Variants in CAV1 observed in about 807,000 individuals in gnomAD.
CAV1 encodes caveolin 1.
CAV1 carries 10 observed loss-of-function variants against 16.5 expected under a neutral mutation model. That is an observed-to-expected ratio of 0.61 (90% confidence interval 0.37 to 1.03). The LOEUF is 1.03. Ranked by LOEUF, CAV1 falls within the 50% of genes least tolerant of loss-of-function variation. The probability of loss-of-function intolerance (pLI) is 0.01; values close to 1 mark genes in which losing one functional copy is unlikely to be tolerated. For synonymous variants in CAV1, 76 were observed against 85.1 expected (o/e 0.89, Z 0.59); for missense variants, 212 against 232.8 (o/e 0.91, Z 0.58).
chr7:116,537,476 A>T (rs1175276241), intron 2 of CAV1, among the ~76,000 whole-genome samples: 1 of 152,170 alleles, frequency 6.6e-6, no homozygotes, highest in Non-Finnish European at 1.5e-5. Flanking sequence ...TCACCATCAT[A>T]TTCCTTTTGC....
At chr7:116,533,736 T>C (rs1029503855) in intron 2 of CAV1, among the ~76,000 whole-genome samples, 2 of 152,242 alleles carry the variant, frequency 1.3e-5, no homozygotes, top group African/African-American at 4.8e-5. Flanking sequence ...TTCTACTGTC[T>C]GTTAAAATCT....
intron 2 of CAV1, among the ~76,000 whole-genome samples, chr7:116,533,336 C>CA (rs1471586638): frequency 6.1e-5 from 3 of 49,232 alleles, no homozygotes; most frequent in African/African-American, 1.4e-4. Flanking sequence ...GACTCCGTCT[C>CA]AAAAAATAAA....
At chr7:116,525,494 C>T (rs1793538238) in intron 1 of CAV1, 2 of 1,274,380 alleles carry the variant, frequency 1.6e-6, no homozygotes, top group Non-Finnish European at 1.0e-6. Context: ...TTACCCGAGT[C>T]CTGGGGACAG....
At chr7:116,550,048 A>G (rs1340290715) in intron 2 of CAV1, among the ~76,000 whole-genome samples, 1 of 152,154 alleles carries the variant, frequency 6.6e-6, no homozygotes, top group African/African-American at 2.4e-5. Context: ...GTGAAATAGA[A>G]CACTATCAAT....
intron 1 of CAV1, 52 bp downstream of exon 1, chr7:116,525,144 C>A: frequency 6.2e-7 from 1 of 1,614,162 alleles, no homozygotes. Flanking sequence ...GTGTCCGCTT[C>A]TGCTATCTGC....
chr7:116,533,015 G>A, intron 2 of CAV1, among the ~76,000 whole-genome samples: 1 of 152,206 alleles, frequency 6.6e-6, no homozygotes, highest in Non-Finnish European at 1.5e-5. Flanking sequence ...TATATGTAGG[G>A]AGCAAAATTG....
At chr7:116,557,552 T>C (rs1794315057) in intron 2 of CAV1, among the ~76,000 whole-genome samples, 1 of 152,156 alleles carries the variant, frequency 6.6e-6, no homozygotes, top group African/African-American at 2.4e-5. Flanking sequence ...ATATAAATCT[T>C]TACAGAGGGA....
At chr7:116,555,534 G>A (rs6961879) in intron 2 of CAV1, among the ~76,000 whole-genome samples, 68 of 6,334 alleles carry the variant, frequency 0.011, 1 homozygote, top group Admixed American at 0.015. Context: ...GAGAGAGAGA[G>A]AGAGAGAGAG....
intron 2 of CAV1, among the ~76,000 whole-genome samples, chr7:116,531,674 G>T (rs1322212704): frequency 6.6e-6 from 1 of 152,170 alleles, no homozygotes; most frequent in East Asian, 1.9e-4. Context: ...TGCCATGCTG[G>T]TGCGCTGCAC....
chr7:116,536,981 G>A (rs1207513590), intron 2 of CAV1, among the ~76,000 whole-genome samples: 1 of 129,140 alleles, frequency 7.7e-6, no homozygotes, highest in East Asian at 2.6e-4. Context: ...CCGCAGTCCG[G>A]CCTGGGCAAC....
Position 116,559,890 on chromosome 7 carries a change from C to T in CAV1, c.*603C>T, listed in dbSNP as rs1192098115. 5.0e-6 allele frequency: 2 copies of T among 399,316 alleles called. No individual in the cohort carries two copies. Among genetic ancestry groups the T allele is most frequent in the African/African-American group, 4.1e-5 (2 of 48,580 alleles). 24.7% of individuals were successfully genotyped at this position (399,316 alleles called of 1,614,324 possible). ...TGCCTTACTCTTCTTGAAATTTTAACCTATGATATTTTCTGTGCCTGAATA... is the reference window on the plus strand; with the variant it reads ...TGCCTTACTCTTCTTGAAATTTTAATCTATGATATTTTCTGTGCCTGAATA... On this transcript the variant is annotated 3_prime_UTR_variant, in exon 3 of 3. Transcript: ENST00000341049.
chr7:116,543,130 G>A (rs1793973510), intron 2 of CAV1, among the ~76,000 whole-genome samples: 1 of 152,140 alleles, frequency 6.6e-6, no homozygotes, highest in Non-Finnish European at 1.5e-5. Flanking sequence ...TTACACTCTG[G>A]ACTGTAGTTT....
chr7:116,537,326 A>T (rs923332460), intron 2 of CAV1, among the ~76,000 whole-genome samples: 2 of 152,068 alleles, frequency 1.3e-5, no homozygotes, highest in Admixed American at 1.3e-4. Context: ...GCAATGGGGC[A>T]AATCAAGGGG....
intron 2 of CAV1, 84 bp from the exon 3 acceptor site, chr7:116,558,862 T>A: frequency 1.0e-6 from 1 of 999,360 alleles, no homozygotes; most frequent in Non-Finnish European, 1.5e-6. Context: ...GCTAATACAG[T>A]ATATGTCTAT....
chr7:116,559,892 T>C lies in CAV1; in HGVS notation c.*605T>C. 1 of 399,522 alleles carries C rather than the reference T, an allele frequency of 2.5e-6. No homozygotes were observed. The highest frequency in any genetic ancestry group is 4.4e-6 in the Non-Finnish European group (1 of 226,524). The allele number at this position is 399,522 out of a possible 1,614,324, so 24.7% of individuals were successfully genotyped here. Reference sequence around the variant, plus strand: ...CCTTACTCTTCTTGAAATTTTAACCTATGATATTTTCTGTGCCTGAATATT... The same window carrying C: ...CCTTACTCTTCTTGAAATTTTAACCCATGATATTTTCTGTGCCTGAATATT... On this transcript the variant is annotated 3_prime_UTR_variant, in exon 3 of 3. Transcript: ENST00000341049.
Position 116,526,806 on chromosome 7 carries a change from A to G in CAV1, c.195+117A>G, listed in dbSNP as rs941907724. On this transcript the variant is annotated intron_variant, in intron 2 of 2. Coordinates refer to ENST00000341049, the MANE Select transcript of CAV1 (RefSeq NM_001753.5). Reference sequence around the variant, plus strand: ...ACCCCACCCCGCCCCCTACACGCGCACACACACACACACACAGAGTTTTGT... The same window carrying G: ...ACCCCACCCCGCCCCCTACACGCGCGCACACACACACACACAGAGTTTTGT... 3.9e-4 allele frequency: 274 copies of G among 698,606 alleles called. 1 individual carries two copies. Among genetic ancestry groups the G allele is most frequent in the Middle Eastern group, 1.6e-3 (5 of 3,180 alleles). 43.3% of individuals were successfully genotyped at this position (698,606 alleles called of 1,614,324 possible).
chr7:116,526,690 G>T lies in CAV1; in HGVS notation c.195+1G>T. The T allele has an allele frequency of 6.2e-7, 1 of 1,614,066 alleles. No individual in the cohort carries two copies. The highest frequency in any genetic ancestry group is 8.5e-7 in the Non-Finnish European group (1 of 1,180,024). The stretch of plus-strand genomic sequence containing the variant: ...ACACCTCAACGATGACGTGGTCAAG[G>T]TAAGCCAAGGCGACCAACAGGGAAG... On this transcript the variant is annotated splice_donor_variant, in intron 2 of 2. Transcript: ENST00000341049. LOFTEE classifies it high-confidence loss of function.
intron 2 of CAV1, among the ~76,000 whole-genome samples, chr7:116,534,856 A>G (rs1030963955): frequency 6.6e-6 from 1 of 152,190 alleles, no homozygotes; most frequent in Admixed American, 6.5e-5. Context: ...GGTTGATTCT[A>G]CCTGAAGAGA....
Position 116,525,088 on chromosome 7 carries a change from C to T in CAV1, c.26C>T (p.Ser9Leu). The change falls in exon 1 of 3, where the codon TCG (serine) becomes TTG (leucine). Residue 9 changes from serine (S) to leucine (L), a missense_variant. Transcript: ENST00000341049. Reference sequence around the variant, plus strand: ...ATGTCTGGGGGCAAATACGTAGACTCGGAGGTAGGCATCCGTGGGGGGGCG... The same window carrying T: ...ATGTCTGGGGGCAAATACGTAGACTTGGAGGTAGGCATCCGTGGGGGGGCG... The part of the protein sequence containing the change: MSGGKYVD[S>L]EGHLYTVPIR... The T allele has an allele frequency of 6.2e-7, 1 of 1,614,100 alleles. No homozygotes were observed. The highest frequency in any genetic ancestry group is 8.5e-7 in the Non-Finnish European group (1 of 1,180,016).
Sources: gnomAD v4.1 joint callset for allele counts (sites outside exome capture counted in the v4.1 genomes callset) on GRCh38, gnomAD v4.1.1 for gene constraint, MANE v1.5 for transcripts, NCBI Gene and HGNC (gene_info 2026-07-23, HGNC 2026-07-21) for gene names.